The following RARG variants were observed in gnomAD, a reference collection of about 807,000 sequenced individuals.
RARG encodes the protein RAR-gamma.
A neutral mutation model predicts 43.7 loss-of-function variants in RARG; 17 were observed. That is an observed-to-expected ratio of 0.39 (90% CI 0.27 to 0.58). The LOEUF is 0.58. Among genes scored for constraint, RARG ranks in the 20% least tolerant of loss-of-function variants. RARG has a pLI of 0.57. For missense variants in RARG, 346 were observed against 598.7 expected (o/e 0.58, Z 4.40); for synonymous variants, 238 against 236.4 (o/e 1.01, Z -0.06).
At chr12:53,212,613 A>G (rs1942623249) in intron 9 of RARG, among the ~76,000 whole-genome samples, 1 of 152,104 alleles carries the variant, frequency 6.6e-6, no homozygotes, top group South Asian at 2.1e-4. Flanking sequence ...CTGGCTTTAC[A>G]TTGTATATTA....
At chr12:53,223,523 G>GCCC (rs139275762) in intron 3 of RARG, among the ~76,000 whole-genome samples, 104 of 103,678 alleles carry the variant, frequency 1.0e-3, no homozygotes, top group East Asian at 7.5e-3. Context: ...GGCTCCCCCC[G>GCCC]CCCCCCCCCC....
chr12:53,229,726 A>G (rs1943186610), intron 2 of RARG: 1 of 157,964 alleles, frequency 6.3e-6, no homozygotes, highest in East Asian at 1.9e-4. Context: ...AACCCCTCCA[A>G]TGACAAGGGT....
In RARG at chr12:53,213,453, A is replaced by G; in HGVS notation, c.1018+43T>C. On this transcript the variant is annotated intron_variant, in intron 8 of 9. Transcript: ENST00000425354. This position sits in a 1 kb window ranked among gnomAD's most constrained non-coding sequence, Gnocchi z 4.7. ...CAGATTCCGCATGGAGTGGTGGGAA[A>G]GGAGACTGAGCACTGAGCAGACGCC... The G allele has an allele frequency of 6.3e-7, 1 of 1,593,344 alleles. No homozygotes were observed. The highest frequency in any genetic ancestry group is 8.6e-7 in the Non-Finnish European group (1 of 1,164,636).
At position 53,213,157 on chromosome 12, in the gene RARG, G is replaced by T. The variant is rs757349755; in HGVS notation, c.1105C>A (p.Arg369=). The change falls in exon 9 of 10, where the codon CGG becomes AGG. Residue 369 remains arginine (R), a synonymous_variant. Transcript: ENST00000425354. This position sits in a 1 kb window ranked among gnomAD's most constrained non-coding sequence, Gnocchi z 4.7. Reference sequence around the variant, plus strand: ...GGGAACATGTAGGGCTGGCTGGGCCGCCGGCGCCGGGCGTACAGCCTCAGG... The same window carrying T: ...GGGAACATGTAGGGCTGGCTGGGCCTCCGGCGCCGGGCGTACAGCCTCAGG... ...EALRLYARRR[R]PSQPYMFPRM... is the part of the protein sequence containing the mutation. 1 of 1,613,850 alleles carries T rather than the reference G, an allele frequency of 6.2e-7. No individual in the cohort carries two copies. Among genetic ancestry groups the T allele is most frequent in the Non-Finnish European group, 8.5e-7 (1 of 1,179,756 alleles).
chr12:53,224,243 C>A (rs1256686573), intron 3 of RARG, among the ~76,000 whole-genome samples: 1 of 152,030 alleles, frequency 6.6e-6, no homozygotes, highest in Admixed American at 6.5e-5. Flanking sequence ...TCTCACCCCC[C>A]TTCAGACCCC....
At position 53,227,448 on chromosome 12, in the gene RARG, A is replaced by C; in HGVS notation, c.98T>G (p.Leu33Arg). Reference sequence around the variant, plus strand: ...CATCTCGAAAGGCGGAGACCCCCTGAGTGCCCCTGGGAAGGCGAAGGGGAA... The same window carrying C: ...CATCTCGAAAGGCGGAGACCCCCTGCGTGCCCCTGGGAAGGCGAAGGGGAA... ...AGFPFAFPGA[L>R]RGSPPFEMLS... Residue 33 changes from leucine (L) to arginine (R), a missense_variant, in exon 3 of 10, where the codon CTC becomes CGC. Coordinates refer to ENST00000425354, the MANE Select transcript of RARG (RefSeq NM_000966.6). The surrounding 1 kb of genome is among the most constrained non-coding windows in gnomAD (Gnocchi z 4.3). 6.2e-7 allele frequency: 1 copy of C among 1,610,604 alleles called. No homozygotes were observed. The highest frequency in any genetic ancestry group is 8.5e-7 in the Non-Finnish European group (1 of 1,178,566).
chr12:53,227,710 G>C lies in RARG; in HGVS notation c.-142-23C>G. ...GTCCTAGGGAGAAAGAGAGAGAAAGGAGAGATGAGAGAATGACCACTCTGA... is the reference window on the plus strand; with the variant it reads ...GTCCTAGGGAGAAAGAGAGAGAAAGCAGAGATGAGAGAATGACCACTCTGA... On this transcript the variant is annotated intron_variant, in intron 2 of 9. Coordinates refer to ENST00000425354, the MANE Select transcript of RARG (RefSeq NM_000966.6). This position sits in a 1 kb window ranked among gnomAD's most constrained non-coding sequence, Gnocchi z 4.3. The C allele has an allele frequency of 8.0e-7, 1 of 1,250,548 alleles. No individual in the cohort carries two copies. The highest frequency in any genetic ancestry group is 1.0e-6 in the Non-Finnish European group (1 of 974,106). The allele number at this position is 1,250,548 out of a possible 1,614,324, so 77.5% of individuals were successfully genotyped here. A position where few individuals can be genotyped will look rare whatever the true frequency, so the allele number is the denominator to read the frequency against.
chr12:53,214,289 G>T (rs1023685028), intron 6 of RARG, 54 bp from the exon 7 acceptor site: 11 of 1,562,004 alleles, frequency 7.0e-6, no homozygotes, highest in Non-Finnish European at 3.5e-6. Context: ...CACCTCTGGG[G>T]GCTGTCTTCT....
intron 3 of RARG, among the ~76,000 whole-genome samples, chr12:53,216,405 C>T (rs1942761743): frequency 6.6e-6 from 1 of 152,154 alleles, no homozygotes; most frequent in South Asian, 2.1e-4. Flanking sequence ...TCACACTACC[C>T]CTGAATAACC....
At position 53,227,165 on chromosome 12, in the gene RARG, A is replaced by G. The variant is rs1943127673; in HGVS notation, c.184+197T>C. ...TTTGACAGGAGAACTCTCATTTGCA[A>G]ACACTTCCATTGAGTCCACATCCAA... On this transcript the variant is annotated intron_variant, in intron 3 of 9. Transcript: ENST00000425354. The surrounding 1 kb of genome is among the most constrained non-coding windows in gnomAD (Gnocchi z 4.3). Among the ~76,000 whole-genome samples, 1 of 152,068 alleles carries G rather than the reference A, an allele frequency of 6.6e-6. No individual in the cohort carries two copies. The highest frequency in any genetic ancestry group is 6.5e-5 in the Admixed American group (1 of 15,270).
chr12:53,213,024 T>C lies in RARG; in HGVS notation c.1177+61A>G. The C allele has an allele frequency of 6.6e-7, 1 of 1,521,616 alleles. No homozygotes were observed. The highest frequency in any genetic ancestry group is 8.9e-7 in the Non-Finnish European group (1 of 1,119,996). The allele number at this position is 1,521,616 out of a possible 1,614,324, so 94.3% of individuals were successfully genotyped here. On this transcript the variant is annotated intron_variant, in intron 9 of 9. Transcript: ENST00000425354. This position sits in a 1 kb window ranked among gnomAD's most constrained non-coding sequence, Gnocchi z 4.7. ...GTTCTTGTCTCTGTGTGTCCTCCTGTCCGACCTGGGAGACCAACAGCCCTG... is the reference window on the plus strand; with the variant it reads ...GTTCTTGTCTCTGTGTGTCCTCCTGCCCGACCTGGGAGACCAACAGCCCTG...
At chr12:53,214,929 A>C in intron 5 of RARG, 1 of 403,748 alleles carries the variant, frequency 2.5e-6, no homozygotes, top group South Asian at 3.9e-5. Context: ...TTGGCAGCAC[A>C]ATGGGGGCGA....
chr12:53,229,844 A>G, intron 2 of RARG: 1 of 697,602 alleles, frequency 1.4e-6, no homozygotes, highest in South Asian at 6.5e-5. Flanking sequence ...TCACCTACCA[A>G]TGGGAAACAC....
Position 53,213,965 on chromosome 12 carries a change from G to A in RARG, c.813+94C>T. ...AGGAGTCCCACATGTGTGGCAGGGG[G>A]TGCAGGGTAAGGAAATCTTTGCATG... On this transcript the variant is annotated intron_variant, in intron 7 of 9. Coordinates refer to ENST00000425354, the MANE Select transcript of RARG (RefSeq NM_000966.6). The surrounding 1 kb of genome is among the most constrained non-coding windows in gnomAD (Gnocchi z 4.7). The A allele has an allele frequency of 7.1e-7, 1 of 1,398,632 alleles. No homozygotes were observed. The highest frequency in any genetic ancestry group is 9.8e-7 in the Non-Finnish European group (1 of 1,015,946). The allele number at this position is 1,398,632 out of a possible 1,614,324, so 86.6% of individuals were successfully genotyped here.
intron 3 of RARG, among the ~76,000 whole-genome samples, chr12:53,223,348 T>C (rs200830571): frequency 7.2e-5 from 9 of 125,782 alleles, no homozygotes; most frequent in African/African-American, 2.7e-4. Flanking sequence ...GGGAGGGGGG[T>C]CTCTGGAGGA....
In RARG at chr12:53,214,312, C is replaced by T. The variant is rs1942695590; in HGVS notation, c.637-77G>A. ...GGGGCTGTCTTCTCTCTACCAATATCCCAAGCTCTCTCCTCTGCATTCTGA... is the reference window on the plus strand; with the variant it reads ...GGGGCTGTCTTCTCTCTACCAATATTCCAAGCTCTCTCCTCTGCATTCTGA... On this transcript the variant is annotated intron_variant, in intron 6 of 9. Coordinates refer to ENST00000425354, the MANE Select transcript of RARG (RefSeq NM_000966.6). 5 of 1,542,096 alleles carry T rather than the reference C, an allele frequency of 3.2e-6. No homozygotes were observed. In the African/African-American group the frequency reaches 5.4e-5, roughly 17 times the overall value.
rs185864961 is a variant in RARG, at chr12:53,232,057, G to A, written c.-293C>T. ...TCTTGGATGGAGCGTCGCAATGTCC[G>A]GGGCTCGCCGTACTGGGGGGCTCCT... On this transcript the variant is annotated 5_prime_UTR_variant, in exon 1 of 10. Coordinates refer to ENST00000425354, the MANE Select transcript of RARG (RefSeq NM_000966.6). The A allele has an allele frequency of 1.8e-3, 711 of 398,504 alleles. 13 individuals are homozygous for A. In the Admixed American group the frequency reaches 0.024, roughly 13 times the overall value. 24.7% of individuals were successfully genotyped at this position (398,504 alleles called of 1,614,324 possible).
rs1351155586 is a variant in RARG, at chr12:53,215,118, G to C, written c.475+175C>G. ...TCCCTGAGAGGGAGAATGGGAAATG[G>C]TGGGGCCTCCTGGTTGAATGGAGCT... On this transcript the variant is annotated intron_variant, in intron 5 of 9. Transcript: ENST00000425354. The surrounding 1 kb of genome is among the most constrained non-coding windows in gnomAD (Gnocchi z 6.4). Among the ~76,000 whole-genome samples, 1 of 152,204 alleles carries C rather than the reference G, an allele frequency of 6.6e-6. No individual in the cohort carries two copies. The highest frequency in any genetic ancestry group is 1.5e-5 in the Non-Finnish European group (1 of 68,030).
chr12:53,229,583 C>T (rs1307800648), intron 2 of RARG, among the ~76,000 whole-genome samples: 5 of 152,166 alleles, frequency 3.3e-5, no homozygotes, highest in African/African-American at 1.2e-4. Context: ...CTCCAGGGTC[C>T]CTCTCCTTTT....
Sources: allele counts gnomAD v4.1 joint callset (sites outside exome capture counted in the v4.1 genomes callset), GRCh38; gene constraint gnomAD v4.1.1; non-coding constraint Gnocchi (gnomAD v3.1); transcripts MANE v1.5; gene names NCBI Gene and HGNC (gene_info 2026-07-23, HGNC 2026-07-21).